The following PDE7B variants were observed in gnomAD, a reference collection of about 807,000 sequenced individuals.
The protein encoded by PDE7B is 3',5'-cyclic-AMP phosphodiesterase 7B.
A neutral mutation model predicts 56.2 loss-of-function variants in PDE7B; 29 were observed. The observed-to-expected ratio is 0.52, with a 90% CI of 0.38 to 0.70. The LOEUF (loss-of-function observed/expected upper bound fraction) is 0.70, where lower values mean the gene tolerates loss of function less well. PDE7B is among the 30% of genes least tolerant of loss of function. The probability of loss-of-function intolerance (pLI) is 0.00; values close to 1 mark genes in which losing one functional copy is unlikely to be tolerated. For missense variants in PDE7B, 490 were observed against 565.0 expected, an observed-to-expected ratio of 0.87 and a Z score of 1.35; for synonymous variants, 197 against 196.9, an observed-to-expected ratio of 1.00 and a Z score of 0.00.
At position 136,038,381 on chromosome 6, in the gene PDE7B, C is replaced by G. The variant is rs1017503337; in HGVS notation, c.83-70350C>G. ...TGTGCTGCCCTCCTCCCCGGGAAGCCGGCCGGGGTGCCAGCAGGGGCCGCT... is the reference window on the plus strand; with the variant it reads ...TGTGCTGCCCTCCTCCCCGGGAAGCGGGCCGGGGTGCCAGCAGGGGCCGCT... On this transcript the variant is annotated intron_variant, in intron 2 of 12. Coordinates refer to ENST00000308191, the MANE Select transcript of PDE7B (RefSeq NM_018945.4). The G allele has an allele frequency of 3.1e-6, 4 of 1,291,470 alleles. No homozygotes were observed. The African/African-American group carries it at 6.1e-5, about 20-fold the overall frequency. The allele number at this position is 1,291,470 out of a possible 1,614,324, so 80.0% of individuals were successfully genotyped here.
intron 2 of PDE7B, among the ~76,000 whole-genome samples, chr6:136,002,551 C>T (rs1295506109): frequency 2.0e-5 from 3 of 152,202 alleles, no homozygotes; most frequent in Non-Finnish European, 4.4e-5. Flanking sequence ...GGTTGCAATC[C>T]TAGTCTCTGA....
intron 1 of PDE7B, among the ~76,000 whole-genome samples, chr6:135,879,990 G>A (rs9494408): frequency 0.12 from 18,274 of 152,118 alleles, 3,074 homozygotes; most frequent in African/African-American, 0.38. Context: ...AATTAAATAA[G>A]GACAACCCCC....
intron 2 of PDE7B, among the ~76,000 whole-genome samples, chr6:136,002,667 T>G (rs1210104472): frequency 6.6e-6 from 1 of 152,188 alleles, no homozygotes; most frequent in Non-Finnish European, 1.5e-5. Context: ...TAAATATATA[T>G]GCACCCAATA....
intron 5 of PDE7B, among the ~76,000 whole-genome samples, chr6:136,149,914 T>C (rs371342177): frequency 2.0e-5 from 3 of 152,240 alleles, no homozygotes; most frequent in South Asian, 4.2e-4. Context: ...GACCACGAAA[T>C]GGACCTTTAC....
intron 3 of PDE7B, among the ~76,000 whole-genome samples, chr6:136,133,754 A>G (rs1021478024): frequency 6.6e-6 from 1 of 152,176 alleles, no homozygotes; most frequent in East Asian, 1.9e-4. Flanking sequence ...AGTTACTGCA[A>G]TACTAGGAGG....
chr6:136,078,881 TA>T (rs1777162764), intron 2 of PDE7B, among the ~76,000 whole-genome samples: 1 of 152,144 alleles, frequency 6.6e-6, no homozygotes, highest in South Asian at 2.1e-4. Flanking sequence ...AAAGTCTAAA[TA>T]AAAAGTAGCC....
At chr6:135,889,566 G>A (rs1402628112) in intron 1 of PDE7B, among the ~76,000 whole-genome samples, 7 of 148,410 alleles carry the variant, frequency 4.7e-5, no homozygotes, top group African/African-American at 1.7e-4. Flanking sequence ...TCAGCCTCCT[G>A]AGTAGTTGGG....
chr6:135,955,230 A>G (rs1774769116), intron 2 of PDE7B, among the ~76,000 whole-genome samples: 1 of 152,048 alleles, frequency 6.6e-6, no homozygotes, highest in Admixed American at 6.6e-5. Flanking sequence ...CACACAAACA[A>G]TGACAACATA....
At chr6:135,886,292 C>T (rs1775708344) in intron 1 of PDE7B, among the ~76,000 whole-genome samples, 1 of 152,106 alleles carries the variant, frequency 6.6e-6, no homozygotes, top group Admixed American at 6.6e-5. Context: ...AGGACCTCTG[C>T]AGGATGATAA....
intron 3 of PDE7B, among the ~76,000 whole-genome samples, chr6:136,141,868 G>T (rs143733699): frequency 4.0e-5 from 6 of 150,520 alleles, no homozygotes; most frequent in Non-Finnish European, 7.5e-5. Flanking sequence ...TTCGTCTTGC[G>T]AGCAGTCTAT....
At chr6:135,930,860 A>C (rs11962226) in intron 1 of PDE7B, among the ~76,000 whole-genome samples, 11,721 of 152,192 alleles carry the variant, frequency 0.077, 1,442 homozygotes, top group African/African-American at 0.25. Flanking sequence ...TTGGAGTTCT[A>C]TGTGTCATTG....
At chr6:135,934,134 A>G (rs1299551598) in intron 1 of PDE7B, among the ~76,000 whole-genome samples, 1 of 152,190 alleles carries the variant, frequency 6.6e-6, no homozygotes, top group Non-Finnish European at 1.5e-5. Flanking sequence ...CTCTCCTTAT[A>G]AAGAAGCCTA....
At chr6:136,062,746 G>A (rs775146853) in intron 2 of PDE7B, among the ~76,000 whole-genome samples, 7 of 152,082 alleles carry the variant, frequency 4.6e-5, no homozygotes, top group Non-Finnish European at 7.4e-5. Flanking sequence ...TGCCCAGTTC[G>A]CCTGTGACCT....
intron 8 of PDE7B, among the ~76,000 whole-genome samples, chr6:136,173,587 G>A (rs539659255): frequency 7.2e-5 from 11 of 152,224 alleles, no homozygotes; most frequent in African/African-American, 1.7e-4. Flanking sequence ...AGGGTGAGCC[G>A]CAGGCCCTGC....
At chr6:136,139,022 G>C (rs1275862134) in intron 3 of PDE7B, among the ~76,000 whole-genome samples, 1 of 152,080 alleles carries the variant, frequency 6.6e-6, no homozygotes, top group African/African-American at 2.4e-5. Flanking sequence ...ACGATGTGCA[G>C]GTTTGTTACA....
At chr6:135,863,037 C>T (rs1165100846) in intron 1 of PDE7B, among the ~76,000 whole-genome samples, 1 of 151,840 alleles carries the variant, frequency 6.6e-6, no homozygotes, top group Non-Finnish European at 1.5e-5. Flanking sequence ...CCATTAAGAT[C>T]TTTGAATTTT....
intron 8 of PDE7B, among the ~76,000 whole-genome samples, chr6:136,169,643 C>A (rs2128449592): frequency 6.6e-6 from 1 of 152,316 alleles, no homozygotes; most frequent in Non-Finnish European, 1.5e-5. Context: ...ATGTCCACAT[C>A]TACTTGAATT....
intron 3 of PDE7B, among the ~76,000 whole-genome samples, chr6:136,128,595 T>C (rs939798780): frequency 1.3e-5 from 2 of 152,126 alleles, no homozygotes; most frequent in African/African-American, 4.8e-5. Flanking sequence ...TGGATTAAGT[T>C]TTCCTTTGAC....
At chr6:135,968,550 G>T (rs535813293) in intron 2 of PDE7B, among the ~76,000 whole-genome samples, 33 of 152,202 alleles carry the variant, frequency 2.2e-4, no homozygotes, top group African/African-American at 6.5e-4. Flanking sequence ...AAAATAGCTT[G>T]ACATCACTGA....
Sources: allele counts gnomAD v4.1 joint callset (sites outside exome capture counted in the v4.1 genomes callset), GRCh38; gene constraint gnomAD v4.1.1; transcripts MANE v1.5; gene names NCBI Gene and HGNC (gene_info 2026-07-23, HGNC 2026-07-21).